Variants in PLEKHM3 observed in about 807,000 individuals in gnomAD.
PLEKHM3 encodes pleckstrin homology domain containing M3.
Under a neutral mutation model 81.8 loss-of-function variants are expected in PLEKHM3, and 45 were observed. That is an observed-to-expected ratio of 0.55 (90% confidence interval 0.43 to 0.71). The LOEUF (loss-of-function observed/expected upper bound fraction) is 0.71, where lower values mean the gene tolerates loss of function less well. Among genes scored for constraint, PLEKHM3 ranks in the 30% least tolerant of loss-of-function variants. PLEKHM3 has a pLI of 0.00. For synonymous variants in PLEKHM3, 352 were observed against 356.4 expected (o/e 0.99, Z 0.14); for missense variants, 788 against 924.3 (o/e 0.85, Z 1.91).
intron 6 of PLEKHM3, among the ~76,000 whole-genome samples, chr2:207,878,305 T>TA (rs201258834): frequency 0.018 from 2,632 of 148,584 alleles, 23 homozygotes; most frequent in Non-Finnish European, 0.026. Context: ...CAGTGAGCAT[T>TA]AAAAAAAAAA....
Position 207,848,155 on chromosome 2 carries a change from C to A in PLEKHM3, c.2108+12950G>T, listed in dbSNP as rs539300840. Among the ~76,000 whole-genome samples, 147 of 152,350 alleles carry A rather than the reference C, an allele frequency of 9.6e-4. 1 individual carries two copies. Among genetic ancestry groups the A allele is most frequent in the Middle Eastern group, 6.8e-3 (2 of 294 alleles). ...CAAAGGCCGAGCAAATAGGAAGCCA[C>A]GGGGAAAGCCCAGCTTCTGGGCAGT... On this transcript the variant is annotated intron_variant, in intron 7 of 7. Coordinates refer to ENST00000427836, the MANE Select transcript of PLEKHM3 (RefSeq NM_001080475.3).
chr2:208,025,379 G>A lies in PLEKHM3; in HGVS notation c.-319+10C>T, dbSNP rs1693296199. The stretch of plus-strand genomic sequence containing the variant: ...CCGGCCAGGCAGCACAGAAGCAGAC[G>A]GATGCTCACCTGGGCCCCGGCTGCT... On this transcript the variant is annotated intron_variant, in intron 1 of 7. Transcript: ENST00000427836. The A allele has an allele frequency of 6.6e-6, 1 of 152,286 alleles. No individual in the cohort carries two copies. Among genetic ancestry groups the A allele is most frequent in the African/African-American group, 2.4e-5 (1 of 41,390 alleles). 9.4% of individuals were successfully genotyped at this position (152,286 alleles called of 1,614,324 possible).
chr2:207,887,545 T>C (rs1283543326), intron 6 of PLEKHM3, among the ~76,000 whole-genome samples: 1 of 152,332 alleles, frequency 6.6e-6, no homozygotes, highest in South Asian at 2.1e-4. Flanking sequence ...TAGGATTTAA[T>C]TGTCAGAGTG....
At chr2:207,993,742 T>C (rs1364118467) in intron 2 of PLEKHM3, among the ~76,000 whole-genome samples, 1 of 152,078 alleles carries the variant, frequency 6.6e-6, no homozygotes, top group East Asian at 1.9e-4. Context: ...GCCAAGCAGA[T>C]GAAAATGTGA....
chr2:207,832,435 A>T (rs1169905003), intron 7 of PLEKHM3, among the ~76,000 whole-genome samples: 1 of 152,238 alleles, frequency 6.6e-6, no homozygotes. Flanking sequence ...AAATATTTAC[A>T]TTAAAAAATG....
rs140304997 is a variant in PLEKHM3, at chr2:207,853,231, A to G, written c.2108+7874T>C. Among the ~76,000 whole-genome samples the G allele has an allele frequency of 3.4e-3, 516 of 152,210 alleles. 3 individuals carry two copies. Among genetic ancestry groups the G allele is most frequent in the African/African-American group, 0.012 (480 of 41,534 alleles). ...CCAGGAGTTCAAGACCAGCCTGACC[A>G]ACATGGTGAAACCCCGTCTCTACTA... On this transcript the variant is annotated intron_variant, in intron 7 of 7. Transcript: ENST00000427836.
chr2:207,839,604 G>A lies in PLEKHM3; in HGVS notation c.2109-11108C>T, dbSNP rs373714330. Among the ~76,000 whole-genome samples, 6 of 152,128 alleles carry A rather than the reference G, an allele frequency of 3.9e-5. 1 individual carries two copies. The highest frequency in any genetic ancestry group is 1.4e-4 in the African/African-American group (6 of 41,416). On this transcript the variant is annotated intron_variant, in intron 7 of 7. Coordinates refer to ENST00000427836, the MANE Select transcript of PLEKHM3 (RefSeq NM_001080475.3). ...GTGTGGTCCCTGGACCAAATGTGAT[G>A]CAGCCAAGCCAGCATCACTAGAGAA...
At chr2:207,869,496 G>C (rs144385670) in intron 6 of PLEKHM3, among the ~76,000 whole-genome samples, 4 of 152,272 alleles carry the variant, frequency 2.6e-5, no homozygotes, top group African/African-American at 9.6e-5. Flanking sequence ...TTGTACTAAG[G>C]AAGGTACTAG....
At position 208,001,334 on chromosome 2, in the gene PLEKHM3, G is replaced by C; in HGVS notation, c.306C>G (p.Thr102=). 1 of 1,614,168 alleles carries C rather than the reference G, an allele frequency of 6.2e-7. No homozygotes were observed. Among genetic ancestry groups the C allele is most frequent in the Non-Finnish European group, 8.5e-7 (1 of 1,180,036 alleles). ...KEQFMVQRGT[T]PDNLSWMEQK... ...GTTCCATCCAGGAAAGATTATCTGG[G>C]GTTGTCCCTCTCTGGACCATAAACT... Residue 102 remains threonine, a synonymous_variant, in exon 2 of 8, where the codon ACC becomes ACG. Coordinates refer to ENST00000427836, the MANE Select transcript of PLEKHM3 (RefSeq NM_001080475.3).
At chr2:207,930,742 G>C (rs1486880717) in intron 5 of PLEKHM3, among the ~76,000 whole-genome samples, 184 bp downstream of exon 5, 2 of 152,116 alleles carry the variant, frequency 1.3e-5, no homozygotes, top group African/African-American at 4.8e-5. Context: ...TAACCAAATG[G>C]GGACCTTGGA....
At chr2:208,014,938 C>T (rs1257267849) in intron 1 of PLEKHM3, among the ~76,000 whole-genome samples, 2 of 152,174 alleles carry the variant, frequency 1.3e-5, no homozygotes, top group African/African-American at 4.8e-5. Context: ...CTGCAGAGGA[C>T]ACCTTCAATG....
chr2:207,926,268 T>G (rs1689390579), intron 5 of PLEKHM3, among the ~76,000 whole-genome samples: 1 of 152,202 alleles, frequency 6.6e-6, no homozygotes, highest in South Asian at 2.1e-4. Flanking sequence ...TCACTTTGTG[T>G]GTGCATGAAA....
At chr2:207,930,860 T>C (rs1689567985) in intron 5 of PLEKHM3, 66 bp downstream of exon 5, 7 of 1,567,394 alleles carry the variant, frequency 4.5e-6, no homozygotes, top group Non-Finnish European at 6.1e-6. Flanking sequence ...TTGGAGATAA[T>C]CTCACCACCC....
chr2:207,897,116 G>T (rs1410283898), intron 6 of PLEKHM3, among the ~76,000 whole-genome samples: 1 of 152,134 alleles, frequency 6.6e-6, no homozygotes, highest in African/African-American at 2.4e-5. Flanking sequence ...TCTGGTCTAG[G>T]ATCATCCTGG....
intron 7 of PLEKHM3, among the ~76,000 whole-genome samples, chr2:207,857,767 T>C (rs920909834): frequency 6.6e-6 from 1 of 152,094 alleles, no homozygotes; most frequent in African/African-American, 2.4e-5. Flanking sequence ...AAAAGGTTGT[T>C]AACTTTGTTG....
intron 7 of PLEKHM3, among the ~76,000 whole-genome samples, chr2:207,837,430 G>A (rs749955731): frequency 4.0e-5 from 6 of 151,876 alleles, no homozygotes; most frequent in Admixed American, 1.3e-4. Context: ...GTGAAACCCC[G>A]TGTCTACTAA....
chr2:207,981,306 C>T (rs1451922728), intron 2 of PLEKHM3, among the ~76,000 whole-genome samples: 1 of 151,982 alleles, frequency 6.6e-6, no homozygotes, highest in Non-Finnish European at 1.5e-5. Flanking sequence ...TAGAGAACTA[C>T]CATCTCTCTT....
Position 208,001,064 on chromosome 2 carries a change from T to C in PLEKHM3, c.576A>G (p.Ser192=). 1 of 1,559,840 alleles carries C rather than the reference T, an allele frequency of 6.4e-7. No individual in the cohort carries two copies. Among genetic ancestry groups the C allele is most frequent in the African/African-American group, 1.4e-5 (1 of 73,148 alleles). The change falls in exon 2 of 8, where the codon TCA becomes TCG. Residue 192 remains serine, a synonymous_variant. Transcript: ENST00000427836. The part of the protein sequence containing the change: ...HVTRPSFLLP[S]PNKIEDAQGN... ...CTTGAGCATCTTCTATCTTATTTGG[T>C]GAGGGCAACAGAAAAGATGGCCTGG...
At chr2:207,887,663 G>C (rs1176222269) in intron 6 of PLEKHM3, among the ~76,000 whole-genome samples, 1 of 152,160 alleles carries the variant, frequency 6.6e-6, no homozygotes, top group Non-Finnish European at 1.5e-5. Flanking sequence ...AGTAGTTCTA[G>C]GGGACTCCTA....
Sources: gnomAD v4.1 joint callset for allele counts (sites outside exome capture counted in the v4.1 genomes callset) on GRCh38, gnomAD v4.1.1 for gene constraint, MANE v1.5 for transcripts, NCBI Gene and HGNC (gene_info 2026-07-23, HGNC 2026-07-21) for gene names.